The following CSMD1 variants were observed in gnomAD, a reference collection of about 807,000 sequenced individuals.
CSMD1 encodes the protein CUB and Sushi multiple domains 1.
In CSMD1, 213 loss-of-function variants were observed where a neutral mutation model predicts 417.5. That is an observed-to-expected ratio of 0.51 (90% CI 0.46 to 0.57). The LOEUF (loss-of-function observed/expected upper bound fraction) is 0.57. CSMD1 is among the 20% of genes least tolerant of loss of function. The pLI, the probability that CSMD1 is intolerant of heterozygous loss-of-function variation, is 0.00. For missense variants in CSMD1, 6,923 were observed against 4,529.7 expected, an observed-to-expected ratio of 1.53 and a Z score of -15.17; for synonymous variants, 2,862 against 1,736.8, an observed-to-expected ratio of 1.65 and a Z score of -16.11.
chr8:3,818,716 A>C (rs1338454331), intron 5 of CSMD1, among the ~76,000 whole-genome samples: 1 of 152,202 alleles, frequency 6.6e-6, no homozygotes, highest in South Asian at 2.1e-4. Context: ...GGAGATGGAA[A>C]ACACAACCAG....
At position 3,961,279 on chromosome 8, in the gene CSMD1, T is replaced by C. The variant is rs577050452; in HGVS notation, c.818+36624A>G. Among the ~76,000 whole-genome samples, 10 of 152,318 alleles carry C rather than the reference T, an allele frequency of 6.6e-5. No homozygotes were observed. The South Asian group carries it at 2.1e-3, about 32-fold the overall frequency. ...TTCTGAGTTATAAGCATAAAAGTTA[T>C]ATAAGCATAAAAGTTATATGAGCAT... On this transcript the variant is annotated intron_variant, in intron 5 of 69. Transcript: ENST00000635120.
At chr8:3,930,148 T>G (rs542595981) in intron 5 of CSMD1, among the ~76,000 whole-genome samples, 15 of 150,212 alleles carry the variant, frequency 1.0e-4, no homozygotes, top group Non-Finnish European at 1.5e-4. Context: ...CCATTGTAAA[T>G]AAGCTCTATT....
At chr8:4,182,372 T>C (rs1331029681) in intron 3 of CSMD1, among the ~76,000 whole-genome samples, 1 of 152,130 alleles carries the variant, frequency 6.6e-6, no homozygotes. Flanking sequence ...ACCCAAAGTA[T>C]ATTATCTTTT....
chr8:3,920,251 T>C (rs1809140268), intron 5 of CSMD1, among the ~76,000 whole-genome samples: 1 of 152,020 alleles, frequency 6.6e-6, no homozygotes, highest in South Asian at 2.1e-4. Flanking sequence ...CCCGGGATGC[T>C]CTTGAACTCC....
chr8:4,337,732 T>A (rs78167814), intron 3 of CSMD1, among the ~76,000 whole-genome samples: 6 of 152,260 alleles, frequency 3.9e-5, no homozygotes, highest in African/African-American at 1.4e-4. Flanking sequence ...GCCATTGACA[T>A]AGAATGGATT....
intron 2 of CSMD1, among the ~76,000 whole-genome samples, chr8:4,464,332 A>G (rs766390419): frequency 7.2e-5 from 11 of 152,192 alleles, no homozygotes; most frequent in Non-Finnish European, 1.5e-4. Context: ...CAGTGCGGTT[A>G]TGTTCTAATA....
At chr8:3,233,068 T>G (rs1041709072) in intron 26 of CSMD1, among the ~76,000 whole-genome samples, 1 of 149,888 alleles carries the variant, frequency 6.7e-6, no homozygotes, top group Non-Finnish European at 1.5e-5. Context: ...TATCAATTTG[T>G]TTGCTTATTA....
chr8:3,210,878 G>T (rs1371321215), intron 30 of CSMD1, among the ~76,000 whole-genome samples: 3 of 151,870 alleles, frequency 2.0e-5, no homozygotes, highest in Middle Eastern at 3.2e-3. Context: ...GTTAACAAAA[G>T]TACAGAATTC....
rs79452950 is a variant in CSMD1, at chr8:4,369,293, C to G, written c.415+50660G>C. Among the ~76,000 whole-genome samples, 739 of 151,928 alleles carry G rather than the reference C, an allele frequency of 4.9e-3. 7 individuals carry two copies. Among genetic ancestry groups the G allele is most frequent in the African/African-American group, 0.016 (680 of 41,452 alleles). ...TGATACGACTTCATTTTTGTTTGTG[C>G]TGTTTTATTTGTGGTTGTTATGAAT... On this transcript the variant is annotated intron_variant, in intron 3 of 69. Transcript: ENST00000635120.
At chr8:4,232,837 T>G (rs1801824570) in intron 3 of CSMD1, among the ~76,000 whole-genome samples, 1 of 152,118 alleles carries the variant, frequency 6.6e-6, no homozygotes, top group South Asian at 2.1e-4. Flanking sequence ...ATTACTTTAT[T>G]TATTTATTTA....
At chr8:3,984,769 G>C (rs148360954) in intron 5 of CSMD1, among the ~76,000 whole-genome samples, 1 of 133,698 alleles carries the variant, frequency 7.5e-6, no homozygotes, top group Non-Finnish European at 1.6e-5. Flanking sequence ...GTATTTGTGC[G>C]TGTGTGTGTG....
intron 12 of CSMD1, among the ~76,000 whole-genome samples, chr8:3,460,955 G>C (rs1816462648): frequency 6.6e-6 from 1 of 152,162 alleles, no homozygotes; most frequent in Non-Finnish European, 1.5e-5. Context: ...AAGGGATGTG[G>C]AGGGCAGTAA....
intron 8 of CSMD1, 61 bp downstream of exon 8, chr8:3,616,649 G>T: frequency 1.8e-6 from 2 of 1,083,686 alleles, no homozygotes; most frequent in Non-Finnish European, 1.4e-6. Flanking sequence ...TTAACTGCAA[G>T]CTGAAATAAT....
At chr8:3,221,921 G>A (rs994822118) in intron 28 of CSMD1, among the ~76,000 whole-genome samples, 1 of 151,962 alleles carries the variant, frequency 6.6e-6, no homozygotes, top group African/African-American at 2.4e-5. Context: ...AAACACACCT[G>A]AATTTGCCAT....
At chr8:4,041,586 G>C (rs1035209039) in intron 3 of CSMD1, among the ~76,000 whole-genome samples, 2 of 151,952 alleles carry the variant, frequency 1.3e-5, no homozygotes, top group South Asian at 2.1e-4. Flanking sequence ...ACAGTCTCTG[G>C]CATCCAATCA....
intron 4 of CSMD1, among the ~76,000 whole-genome samples, chr8:4,019,963 T>G (rs1796708606): frequency 6.6e-6 from 1 of 150,958 alleles, no homozygotes; most frequent in Non-Finnish European, 1.5e-5. Flanking sequence ...AATATTGAGA[T>G]CCTGTAGCTT....
chr8:4,923,072 C>A lies in CSMD1; in HGVS notation c.85+71260G>T, dbSNP rs140870582. Among the ~76,000 whole-genome samples the A allele has an allele frequency of 3.7e-3, 563 of 152,192 alleles. 3 individuals carry two copies. The highest frequency in any genetic ancestry group is 0.013 in the African/African-American group (547 of 41,530). On this transcript the variant is annotated intron_variant, in intron 1 of 69. Transcript: ENST00000635120. Reference sequence around the variant, plus strand: ...CCAAGAATTTTCCAACTTAGGGGAACAATCTTAAAAAATGATTTGAAATAA... The same window carrying A: ...CCAAGAATTTTCCAACTTAGGGGAAAAATCTTAAAAAATGATTTGAAATAA...
At chr8:4,843,745 G>A (rs1160479483) in intron 1 of CSMD1, among the ~76,000 whole-genome samples, 3 of 152,244 alleles carry the variant, frequency 2.0e-5, no homozygotes, top group African/African-American at 7.2e-5. Flanking sequence ...TCACAGTGCA[G>A]TGAGGTTGTA....
chr8:4,940,390 C>T lies in CSMD1; in HGVS notation c.85+53942G>A, dbSNP rs572086465. ...TGAGTGGAAATATACAGTTATATTA[C>T]ATGAGTTAAGAAATTCCAATTATGT... On this transcript the variant is annotated intron_variant, in intron 1 of 69. Coordinates refer to ENST00000635120, the MANE Select transcript of CSMD1 (RefSeq NM_033225.6). Among the ~76,000 whole-genome samples, 4 of 152,284 alleles carry T rather than the reference C, an allele frequency of 2.6e-5. No homozygotes were observed. In the South Asian group the frequency reaches 6.2e-4, roughly 24 times the overall value.
Sources: gnomAD v4.1 joint callset for allele counts (sites outside exome capture counted in the v4.1 genomes callset) on GRCh38, gnomAD v4.1.1 for gene constraint, MANE v1.5 for transcripts, NCBI Gene and HGNC (gene_info 2026-07-23, HGNC 2026-07-21) for gene names.